KCNB2: variants seen among roughly 807,000 people sequenced by gnomAD.
KCNB2 encodes potassium voltage-gated channel subfamily B member 2.
KCNB2 carries 15 observed loss-of-function variants against 61.5 expected under a neutral mutation model. The observed-to-expected ratio is 0.24, with a 90% CI of 0.16 to 0.38. The LOEUF (loss-of-function observed/expected upper bound fraction) is 0.38, where lower values mean the gene tolerates loss of function less well. Ranked by LOEUF, KCNB2 falls within the 10% of genes least tolerant of loss-of-function variation. The pLI is 1.00. For synonymous variants in KCNB2, 457 were observed against 446.0 expected (o/e 1.02, Z -0.31); for missense variants, 828 against 1,125.2 (o/e 0.74, Z 3.78).
rs1261158124 is a variant in KCNB2, at chr8:72,920,465, C to CTATATATA, written c.580-15467_580-15466insATATATAT. Among the ~76,000 whole-genome samples the CTATATATA allele has an allele frequency of 2.4e-4, 17 of 71,070 alleles. 2 individuals are homozygous for CTATATATA. Among genetic ancestry groups the CTATATATA allele is most frequent in the African/African-American group, 8.3e-4 (14 of 16,796 alleles). 46.6% of individuals were successfully genotyped at this position (71,070 alleles called of 152,430 possible). On this transcript the variant is annotated intron_variant, in intron 2 of 2. Coordinates refer to ENST00000523207, the MANE Select transcript of KCNB2 (RefSeq NM_004770.3). ...TATATCTATCTATCTATCTATCTAT[C>CTATATATA]TATCTATCTATATATATATATATTA...
chr8:72,874,477 G>T (rs917522955), intron 2 of KCNB2, among the ~76,000 whole-genome samples: 2 of 152,120 alleles, frequency 1.3e-5, no homozygotes, highest in Non-Finnish European at 2.9e-5. Flanking sequence ...AAGGCCTTCT[G>T]CAATAAAGCT....
intron 2 of KCNB2, among the ~76,000 whole-genome samples, chr8:72,821,211 C>T (rs1251424207): frequency 6.6e-6 from 1 of 152,170 alleles, no homozygotes; most frequent in Non-Finnish European, 1.5e-5. Context: ...ATATGCCCAT[C>T]AGGCATCAAG....
chr8:72,636,628 C>A (rs1332252459), intron 2 of KCNB2, among the ~76,000 whole-genome samples: 1 of 152,070 alleles, frequency 6.6e-6, no homozygotes, highest in Admixed American at 6.6e-5. Context: ...AAGTAACTTA[C>A]CCAAGGTCAT....
intron 2 of KCNB2, among the ~76,000 whole-genome samples, chr8:72,713,881 G>A (rs776637045): frequency 1.3e-5 from 2 of 152,066 alleles, no homozygotes; most frequent in Non-Finnish European, 2.9e-5. Context: ...GAGGAAGTTC[G>A]AAACAATGGC....
intron 2 of KCNB2, among the ~76,000 whole-genome samples, chr8:72,727,396 CTCTTT>C (rs1193229555): frequency 1.3e-5 from 2 of 152,158 alleles, no homozygotes; most frequent in African/African-American, 2.4e-5. Context: ...ACTTTTGCTC[CTCTTT>C]TCTTTGTTCT....
chr8:72,921,518 G>A lies in KCNB2; in HGVS notation c.580-14417G>A, dbSNP rs569006320. Among the ~76,000 whole-genome samples, 6 of 152,290 alleles carry A rather than the reference G, an allele frequency of 3.9e-5. No individual in the cohort carries two copies. In the South Asian group the frequency reaches 1.2e-3, roughly 32 times the overall value. On this transcript the variant is annotated intron_variant, in intron 2 of 2. Transcript: ENST00000523207. ...AAACATGGGTTTATCTAGGCAACAG[G>A]ATGAGGAGTCCTTAGCACCTTTAAC...
rs1353844887 is a variant in KCNB2 at position 72,705,154 on chromosome 8, T to A, written c.579+136841T>A. ...TCTGCATGAGTGAGTCCCTTTGACA[T>A]CTTTTCTCACTTCCTCACTATGTTC... On this transcript the variant is annotated intron_variant, in intron 2 of 2. Transcript: ENST00000523207. Among the ~76,000 whole-genome samples the A allele has an allele frequency of 2.0e-5, 3 of 152,200 alleles. No individual in the cohort carries two copies. The East Asian group carries it at 5.8e-4, about 29-fold the overall frequency.
At chr8:72,727,222 C>A (rs1435130443) in intron 2 of KCNB2, among the ~76,000 whole-genome samples, 1 of 152,064 alleles carries the variant, frequency 6.6e-6, no homozygotes, top group Non-Finnish European at 1.5e-5. Context: ...ACGTCCCCCC[C>A]AGACCTATTT....
At position 72,537,401 on chromosome 8, in the gene KCNB2, G is replaced by A. The variant is rs1208203339; in HGVS notation, c.-578G>A. ...CGCCCCCGCGGCCGCCGCCGCCGCT[G>A]CGCCTCGGGCAGCCCCAGCGAGCGG... is the stretch of plus-strand genomic sequence containing the variant. On this transcript the variant is annotated 5_prime_UTR_variant, in exon 1 of 3. Coordinates refer to ENST00000523207, the MANE Select transcript of KCNB2 (RefSeq NM_004770.3). 6.5e-6 allele frequency: 1 copy of A among 152,916 alleles called. No individual in the cohort carries two copies. Among genetic ancestry groups the A allele is most frequent in the Non-Finnish European group, 1.5e-5 (1 of 68,254 alleles). The allele number at this position is 152,916 out of a possible 1,614,324, so 9.5% of individuals were successfully genotyped here. A position where few individuals can be genotyped will look rare whatever the true frequency, so the allele number is the denominator to read the frequency against.
intron 1 of KCNB2, among the ~76,000 whole-genome samples, chr8:72,548,077 T>A (rs887630121): frequency 6.6e-6 from 1 of 152,184 alleles, no homozygotes; most frequent in Non-Finnish European, 1.5e-5. Flanking sequence ...CTGAGGATTG[T>A]TAGCTTTTTT....
At chr8:72,796,854 G>T (rs1809039178) in intron 2 of KCNB2, among the ~76,000 whole-genome samples, 1 of 152,088 alleles carries the variant, frequency 6.6e-6, no homozygotes, top group South Asian at 2.1e-4. Context: ...GTATACTCTG[G>T]GGTGCATGTC....
At chr8:72,863,169 T>C (rs1015499923) in intron 2 of KCNB2, among the ~76,000 whole-genome samples, 2 of 152,218 alleles carry the variant, frequency 1.3e-5, no homozygotes, top group Non-Finnish European at 2.9e-5. Context: ...ATTAATAAAT[T>C]CTAATGGTTT....
chr8:72,701,051 A>G (rs1164760641), intron 2 of KCNB2, among the ~76,000 whole-genome samples: 2 of 152,160 alleles, frequency 1.3e-5, no homozygotes, highest in Non-Finnish European at 2.9e-5. Flanking sequence ...TAAAGATGAC[A>G]ACAATAGTCT....
rs186378960 is a variant in KCNB2, at chr8:72,686,212, A to G, written c.579+117899A>G. ...TGTCAAGACTTTGACCTTTTTACAC[A>G]GAAAGACATACTCTATCCCTTTGAT... On this transcript the variant is annotated intron_variant, in intron 2 of 2. Coordinates refer to ENST00000523207, the MANE Select transcript of KCNB2 (RefSeq NM_004770.3). Among the ~76,000 whole-genome samples, 316 of 152,284 alleles carry G rather than the reference A, an allele frequency of 2.1e-3. 3 individuals are homozygous for G. Among genetic ancestry groups the G allele is most frequent in the African/African-American group, 7.1e-3 (297 of 41,560 alleles).
intron 2 of KCNB2, among the ~76,000 whole-genome samples, chr8:72,568,923 T>G (rs1475666811): frequency 6.6e-6 from 1 of 151,992 alleles, no homozygotes; most frequent in Non-Finnish European, 1.5e-5. Context: ...ACTGTTAATT[T>G]TTTTTTTTTT....
At chr8:72,821,300 G>C (rs770186752) in intron 2 of KCNB2, among the ~76,000 whole-genome samples, 2 of 152,092 alleles carry the variant, frequency 1.3e-5, no homozygotes, top group Non-Finnish European at 2.9e-5. Flanking sequence ...TAATATGCCT[G>C]ATTATTAGAA....
intron 2 of KCNB2, among the ~76,000 whole-genome samples, chr8:72,921,191 G>A (rs868838899): frequency 6.6e-6 from 1 of 151,992 alleles, no homozygotes; most frequent in Non-Finnish European, 1.5e-5. Context: ...GTAGGAATAT[G>A]GCTTAGTATA....
At chr8:72,681,985 T>C (rs1204051762) in intron 2 of KCNB2, among the ~76,000 whole-genome samples, 1 of 152,194 alleles carries the variant, frequency 6.6e-6, no homozygotes, top group East Asian at 1.9e-4. Flanking sequence ...AAAATTGTGT[T>C]TTCAAGTCTT....
intron 2 of KCNB2, among the ~76,000 whole-genome samples, chr8:72,584,074 G>A (rs947054461): frequency 6.7e-6 from 1 of 150,028 alleles, no homozygotes; most frequent in Non-Finnish European, 1.5e-5. Context: ...AATTATCGTT[G>A]TTTAGTGCTG....
Sources: allele counts gnomAD v4.1 joint callset (sites outside exome capture counted in the v4.1 genomes callset), GRCh38; gene constraint gnomAD v4.1.1; transcripts MANE v1.5; gene names NCBI Gene and HGNC (gene_info 2026-07-23, HGNC 2026-07-21).